KCNAB1: variants seen among roughly 807,000 people sequenced by gnomAD.
KCNAB1 encodes the protein voltage-gated potassium channel subunit beta-1.
A neutral mutation model predicts 64.6 loss-of-function variants in KCNAB1; 35 were observed. That is an observed-to-expected ratio of 0.54 (90% CI 0.41 to 0.72). The LOEUF (loss-of-function observed/expected upper bound fraction) is 0.72. KCNAB1 is among the 30% of genes least tolerant of loss of function. The pLI is 0.00. For synonymous variants in KCNAB1, 177 were observed against 183.8 expected (o/e 0.96, Z 0.30); for missense variants, 401 against 512.9 (o/e 0.78, Z 2.11).
chr3:156,133,375 A>C (rs1272808083), intron 1 of KCNAB1, among the ~76,000 whole-genome samples: 2 of 152,264 alleles, frequency 1.3e-5, no homozygotes, highest in Non-Finnish European at 2.9e-5. Context: ...GTGTTTTAAA[A>C]GTATTTTCAG....
rs1719131090 is a variant in KCNAB1, at chr3:156,537,369, A to T, written c.*622A>T. 1 of 247,790 alleles carries T rather than the reference A, an allele frequency of 4.0e-6. No homozygotes were observed. Among genetic ancestry groups the T allele is most frequent in the African/African-American group, 2.2e-5 (1 of 45,250 alleles). 15.3% of individuals were successfully genotyped at this position (247,790 alleles called of 1,614,324 possible). A position where few individuals can be genotyped will look rare whatever the true frequency, so the allele number is the denominator to read the frequency against. The stretch of plus-strand genomic sequence containing the variant: ...TTTGTTCCATTTGTTATTCAATAAA[A>T]CAAAAATTTCTAGGTATTTGCTTTA... On this transcript the variant is annotated 3_prime_UTR_variant, in exon 14 of 14. Transcript: ENST00000490337.
chr3:156,163,372 A>T (rs1349012156), intron 1 of KCNAB1, among the ~76,000 whole-genome samples: 1 of 152,124 alleles, frequency 6.6e-6, no homozygotes, highest in Admixed American at 6.5e-5. Flanking sequence ...TATGGCACTT[A>T]AAAAAATGCC....
chr3:156,457,408 G>T, intron 3 of KCNAB1, 45 bp from the exon 4 acceptor site: 1 of 1,612,350 alleles, frequency 6.2e-7, no homozygotes, highest in Non-Finnish European at 8.5e-7. Flanking sequence ...TTCCAGGTTT[G>T]GAAAGCATTT....
chr3:156,284,299 C>G (rs1719944604), intron 1 of KCNAB1, among the ~76,000 whole-genome samples: 1 of 152,098 alleles, frequency 6.6e-6, no homozygotes, highest in Non-Finnish European at 1.5e-5. Flanking sequence ...GGTCAGGGAC[C>G]CACTTGAGGA....
At chr3:156,484,222 T>C (rs1428992116) in intron 8 of KCNAB1, among the ~76,000 whole-genome samples, 1 of 152,128 alleles carries the variant, frequency 6.6e-6, no homozygotes, top group East Asian at 1.9e-4. Flanking sequence ...TATCATTCAG[T>C]AAGTTAAAAA....
intron 8 of KCNAB1, among the ~76,000 whole-genome samples, chr3:156,500,472 C>T (rs1716324630): frequency 6.6e-6 from 1 of 152,236 alleles, no homozygotes; most frequent in East Asian, 1.9e-4. Flanking sequence ...TTAGAGACAT[C>T]TTTATTTCTC....
chr3:156,419,227 G>T (rs1050919711), intron 1 of KCNAB1, among the ~76,000 whole-genome samples: 1 of 152,184 alleles, frequency 6.6e-6, no homozygotes, highest in African/African-American at 2.4e-5. Flanking sequence ...AACTAGCGGG[G>T]CACGGTGGCT....
intron 1 of KCNAB1, among the ~76,000 whole-genome samples, chr3:156,255,015 C>T (rs1345278203): frequency 6.6e-6 from 1 of 152,188 alleles, no homozygotes; most frequent in Admixed American, 6.5e-5. Context: ...CCTCTCTTTT[C>T]CCTGCCGAGT....
At chr3:156,308,233 A>G (rs899911685) in intron 1 of KCNAB1, among the ~76,000 whole-genome samples, 18 of 152,232 alleles carry the variant, frequency 1.2e-4, no homozygotes, top group Non-Finnish European at 2.5e-4. Flanking sequence ...CAAAGGCCTG[A>G]GTGCACATCT....
At chr3:156,270,072 C>A (rs764429086) in intron 1 of KCNAB1, among the ~76,000 whole-genome samples, 1 of 151,988 alleles carries the variant, frequency 6.6e-6, no homozygotes, top group Non-Finnish European at 1.5e-5. Context: ...CCTGCCACTA[C>A]GCCCAGCTAA....
chr3:156,513,446 A>T (rs12107169), intron 8 of KCNAB1, among the ~76,000 whole-genome samples: 13,088 of 152,226 alleles, frequency 0.086, 598 homozygotes, highest in South Asian at 0.11. Flanking sequence ...GAAATAAAAA[A>T]TCCCAAGGCC....
rs1716417312 is a variant in KCNAB1 at position 156,501,657 on chromosome 3, C to T, written c.659-12707C>T. Among the ~76,000 whole-genome samples, 6 of 152,034 alleles carry T rather than the reference C, an allele frequency of 3.9e-5. No individual in the cohort carries two copies. In the South Asian group the frequency reaches 1.2e-3, roughly 31 times the overall value. On this transcript the variant is annotated intron_variant, in intron 8 of 13. Coordinates refer to ENST00000490337, the MANE Select transcript of KCNAB1 (RefSeq NM_172160.3). The stretch of plus-strand genomic sequence containing the variant: ...ATGTTGCCCAGGCTGGTCTTGAACT[C>T]CCGGCCTCAGGTGATCCACCCCCCT...
At chr3:156,295,553 A>G (rs1720720681) in intron 1 of KCNAB1, among the ~76,000 whole-genome samples, 1 of 152,224 alleles carries the variant, frequency 6.6e-6, no homozygotes, top group South Asian at 2.1e-4. Context: ...AGAATATTGC[A>G]TAAAACTGGT....
At chr3:156,270,205 T>A (rs2108490713) in intron 1 of KCNAB1, among the ~76,000 whole-genome samples, 1 of 152,282 alleles carries the variant, frequency 6.6e-6, no homozygotes, top group South Asian at 2.1e-4. Context: ...CGTGAGCCAC[T>A]GCGCCCGGCC....
chr3:156,339,425 C>T (rs1049086622), intron 1 of KCNAB1, among the ~76,000 whole-genome samples: 3 of 152,110 alleles, frequency 2.0e-5, no homozygotes, highest in Non-Finnish European at 4.4e-5. Flanking sequence ...TTTACAACAG[C>T]CCTGGATGGT....
chr3:156,353,421 A>C (rs1315923709), intron 1 of KCNAB1, among the ~76,000 whole-genome samples: 1 of 152,262 alleles, frequency 6.6e-6, no homozygotes, highest in Non-Finnish European at 1.5e-5. Flanking sequence ...ACCAGTGAAC[A>C]TATTAAGTTT....
intron 1 of KCNAB1, among the ~76,000 whole-genome samples, chr3:156,265,763 G>A (rs1489782962): frequency 6.6e-6 from 1 of 152,144 alleles, no homozygotes; most frequent in East Asian, 1.9e-4. Flanking sequence ...GGGAGTCCGA[G>A]GTGGGCGGAT....
At chr3:156,143,170 T>A (rs1291849191) in intron 1 of KCNAB1, 2 of 1,576,852 alleles carry the variant, frequency 1.3e-6, no homozygotes, top group Non-Finnish European at 1.7e-6. Context: ...TTCCTTGGGT[T>A]TTTGAAACAT....
At chr3:156,495,798 A>C (rs993715653) in intron 8 of KCNAB1, among the ~76,000 whole-genome samples, 5 of 152,214 alleles carry the variant, frequency 3.3e-5, no homozygotes, top group Non-Finnish European at 7.3e-5. Context: ...CCTTACAGGT[A>C]CCATATGTGT....
Sources: gnomAD v4.1 joint callset for allele counts (sites outside exome capture counted in the v4.1 genomes callset) on GRCh38, gnomAD v4.1.1 for gene constraint, MANE v1.5 for transcripts, NCBI Gene and HGNC (gene_info 2026-07-23, HGNC 2026-07-21) for gene names.